The following PSMD3 variants were observed in gnomAD, a reference collection of about 807,000 sequenced individuals.
The protein encoded by PSMD3 is proteasome 26S subunit, non-ATPase 3, also known as 26S proteasome non-ATPase regulatory subunit 3.
A neutral mutation model predicts 62.8 loss-of-function variants in PSMD3; 5 were observed. The observed-to-expected ratio is 0.08, with a 90% CI of 0.04 to 0.17. PSMD3 has a LOEUF of 0.17. Ranked by LOEUF, PSMD3 falls within the 10% of genes least tolerant of loss-of-function variation. The pLI is 1.00. For synonymous variants in PSMD3, 265 were observed against 283.9 expected (o/e 0.93, Z 0.67); for missense variants, 524 against 713.6 (o/e 0.73, Z 3.03).
At chr17:39,983,157 C>T (rs145785000) in intron 1 of PSMD3, among the ~76,000 whole-genome samples, 1 of 152,120 alleles carries the variant, frequency 6.6e-6, no homozygotes, top group African/African-American at 2.4e-5. Context: ...CTCAGCTTCC[C>T]GAGTAGCTGG....
Position 39,995,419 on chromosome 17 carries a change from C to A in PSMD3, c.1217-5C>A, listed in dbSNP as rs774275737. ...TGCCCACCCCATCGCTCCTTCCTCT[C>A]CCAGGTGTACGCATGATCAGCCTCT... On this transcript the variant is annotated splice_region_variant and splice_polypyrimidine_tract_variant and intron_variant, in intron 8 of 11. Coordinates refer to ENST00000264639, the MANE Select transcript of PSMD3 (RefSeq NM_002809.4). This position sits in a 1 kb window ranked among gnomAD's most constrained non-coding sequence, Gnocchi z 4.1. 3.7e-6 allele frequency: 6 copies of A among 1,613,530 alleles called. No individual in the cohort carries two copies. Among genetic ancestry groups the A allele is most frequent in the Non-Finnish European group, 5.1e-6 (6 of 1,179,546 alleles).
chr17:39,996,120 CAAAAA>C lies in PSMD3; in HGVS notation c.1321-52_1321-48del. ...TGGGTGACAGAGCGAGACTCCATCT[CAAAAA>C]AAAAAAAAAAGAAGAAGCTGGGTGT... On this transcript the variant is annotated intron_variant, in intron 9 of 11. Transcript: ENST00000264639. This position sits in a 1 kb window ranked among gnomAD's most constrained non-coding sequence, Gnocchi z 5.1. The C allele has an allele frequency of 2.7e-6, 4 of 1,456,952 alleles. No individual in the cohort carries two copies. The highest frequency in any genetic ancestry group is 1.2e-5 in the South Asian group (1 of 85,400). The allele number at this position is 1,456,952 out of a possible 1,614,324, so 90.3% of individuals were successfully genotyped here. A position where few individuals can be genotyped will look rare whatever the true frequency, so the allele number is the denominator to read the frequency against.
chr17:39,989,648 T>G, intron 4 of PSMD3, 91 bp from the exon 5 acceptor site: 1 of 1,283,538 alleles, frequency 7.8e-7, no homozygotes, highest in Non-Finnish European at 1.1e-6. Context: ...TTTGTATAAC[T>G]TTTTTAAGGA....
chr17:39,984,379 T>C lies in PSMD3; in HGVS notation c.306T>C (p.Pro102=). The change falls in exon 2 of 12, where the codon CCT becomes CCC. Residue 102 remains proline, a synonymous_variant. Transcript: ENST00000264639. ...RFVLRALRML[P]STSRRLNHYV... ...TGCTGCGGGCCCTGCGGATGCTGCC[T>C]TCCACATCACGCCGCCTCAACCACT... 6.2e-7 allele frequency: 1 copy of C among 1,613,812 alleles called. No individual in the cohort carries two copies.
rs1980370550 is a variant in PSMD3 at position 39,981,097 on chromosome 17, A to T, written c.127A>T (p.Thr43Ser). 1 of 1,550,630 alleles carries T rather than the reference A, an allele frequency of 6.4e-7. No homozygotes were observed. ...TGTGGAGATGAAAGAGGAGGCAGCG[A>T]CGGGTGGCGGGTCGACGGGGGAGGC... ...QDVEMKEEAA[T>S]GGGSTGEADG... The change falls in exon 1 of 12, where the codon ACG (threonine) becomes TCG (serine). Residue 43 changes from threonine (T) to serine (S), a missense_variant. Around this residue, in one of 4 missense-constraint regions of PSMD3, gnomAD observed 396 missense variants for 475.8 expected, o/e 0.83. Coordinates refer to ENST00000264639, the MANE Select transcript of PSMD3 (RefSeq NM_002809.4).
intron 2 of PSMD3, among the ~76,000 whole-genome samples, chr17:39,985,801 C>T (rs1045728747): frequency 6.6e-6 from 1 of 152,220 alleles, no homozygotes; most frequent in Non-Finnish European, 1.5e-5. Flanking sequence ...TCAGTGACAA[C>T]ATAGGAAAAT....
chr17:39,989,767 A>G lies in PSMD3; in HGVS notation c.715A>G (p.Thr239Ala), dbSNP rs1409626717. The change falls in exon 5 of 12, where the codon ACG (threonine) becomes GCG (alanine). Residue 239 changes from threonine (T) to alanine (A), a missense_variant. Around this residue, in one of 4 missense-constraint regions of PSMD3, gnomAD observed 396 missense variants for 475.8 expected, o/e 0.83. Coordinates refer to ENST00000264639, the MANE Select transcript of PSMD3 (RefSeq NM_002809.4). The stretch of plus-strand genomic sequence containing the variant: ...CTTGCATGCTCGGCTCCGGACAGCT[A>G]CGCTTCGGCATGACGCAGACGGGCA... ...SFLHARLRTA[T>A]LRHDADGQAT... is the part of the protein sequence containing the mutation. The G allele has an allele frequency of 6.2e-7, 1 of 1,613,934 alleles. No homozygotes were observed. Among genetic ancestry groups the G allele is most frequent in the African/African-American group, 1.3e-5 (1 of 74,938 alleles).
chr17:39,996,985 G>GCCC lies in PSMD3; in HGVS notation c.1477-343_1477-341dup, dbSNP rs1418036949. Among the ~76,000 whole-genome samples, 2 of 151,810 alleles carry GCCC rather than the reference G, an allele frequency of 1.3e-5. No individual in the cohort carries two copies. On this transcript the variant is annotated intron_variant, in intron 10 of 11. Coordinates refer to ENST00000264639, the MANE Select transcript of PSMD3 (RefSeq NM_002809.4). This position sits in a 1 kb window ranked among gnomAD's most constrained non-coding sequence, Gnocchi z 5.1. ...AGGTCAAGCCTCCCCTCCCACTCCT[G>GCCC]CCCCACCACCCAGCAGCCAGCCCAC...
At chr17:39,990,730 C>A (rs1006582051) in intron 6 of PSMD3, among the ~76,000 whole-genome samples, 1 of 152,158 alleles carries the variant, frequency 6.6e-6, no homozygotes, top group Non-Finnish European at 1.5e-5. Flanking sequence ...GACAGTCATT[C>A]CAGGCTTGGA....
chr17:39,990,283 G>A (rs1375600415), intron 6 of PSMD3, 86 bp downstream of exon 6: 32 of 1,201,214 alleles, frequency 2.7e-5, no homozygotes, highest in Admixed American at 5.0e-5. Flanking sequence ...GGCTGGTCTT[G>A]AACTCCTGGG....
rs1206221814 is a variant in PSMD3, at chr17:39,981,048, C to G, written c.78C>G (p.Pro26=). 1 of 1,549,674 alleles carries G rather than the reference C, an allele frequency of 6.5e-7. No individual in the cohort carries two copies. Among genetic ancestry groups the G allele is most frequent in the South Asian group, 1.2e-5 (1 of 83,998 alleles). The change falls in exon 1 of 12, where the codon CCC becomes CCG. Residue 26 remains proline (P), a synonymous_variant. Coordinates refer to ENST00000264639, the MANE Select transcript of PSMD3 (RefSeq NM_002809.4). ...CGCCCGGCGGAGGAGAACAAGAACC[C>G]CCACCGCCGCCGGCCCCCCAGGATG... ...KPPPGGGEQE[P]PPPPAPQDVE...
intron 6 of PSMD3, chr17:39,993,919 T>C (rs938081748): frequency 2.0e-5 from 3 of 152,212 alleles, no homozygotes; most frequent in South Asian, 2.1e-4. Context: ...CCAAGTGTTC[T>C]ACGTGCAGAC....
At position 39,980,847 on chromosome 17, in the gene PSMD3, C is replaced by T. The variant is rs1009246907; in HGVS notation, c.-124C>T. Reference sequence around the variant, plus strand: ...GGGAAGGGGTTTGCAGCTGCTCCGTCATCGTGCGGCCCGACGCTATCTCGC... The same window carrying T: ...GGGAAGGGGTTTGCAGCTGCTCCGTTATCGTGCGGCCCGACGCTATCTCGC... On this transcript the variant is annotated 5_prime_UTR_variant, in exon 1 of 12. Coordinates refer to ENST00000264639, the MANE Select transcript of PSMD3 (RefSeq NM_002809.4). The T allele has an allele frequency of 2.6e-5, 23 of 891,990 alleles. No homozygotes were observed. The highest frequency in any genetic ancestry group is 3.4e-5 in the Non-Finnish European group (21 of 618,780). The allele number at this position is 891,990 out of a possible 1,614,324, so 55.3% of individuals were successfully genotyped here.
intron 3 of PSMD3, among the ~76,000 whole-genome samples, chr17:39,987,035 A>G (rs144441751): frequency 1.5e-4 from 23 of 152,322 alleles, no homozygotes; most frequent in Non-Finnish European, 2.8e-4. Context: ...TAGGCAAATT[A>G]ATTTCTCCCA....
rs554220327 is a variant in PSMD3 at position 39,980,966 on chromosome 17, G to A, written c.-5G>A. 7 of 1,529,970 alleles carry A rather than the reference G, an allele frequency of 4.6e-6. No individual in the cohort carries two copies. The highest frequency in any genetic ancestry group is 6.1e-6 in the Non-Finnish European group (7 of 1,141,606). The allele number at this position is 1,529,970 out of a possible 1,614,324, so 94.8% of individuals were successfully genotyped here. A position where few individuals can be genotyped will look rare whatever the true frequency, so the allele number is the denominator to read the frequency against. On this transcript the variant is annotated 5_prime_UTR_variant, in exon 1 of 12. The change creates a new upstream start codon in the 5' untranslated region. Coordinates refer to ENST00000264639, the MANE Select transcript of PSMD3 (RefSeq NM_002809.4). ...TCCCCGGACTAGGCCGTGACCCCGG[G>A]TGCCATGAAGCAGGAGGGCTCGGCG... is the stretch of plus-strand genomic sequence containing the variant.
Position 39,996,411 on chromosome 17 carries a change from G to A in PSMD3, c.1476+73G>A, listed in dbSNP as rs1980786809. The A allele has an allele frequency of 3.9e-6, 6 of 1,542,620 alleles. No homozygotes were observed. Among genetic ancestry groups the A allele is most frequent in the Non-Finnish European group, 5.3e-6 (6 of 1,134,394 alleles). The stretch of plus-strand genomic sequence containing the variant: ...TCCCTCCACACTCATGGATTCCTCA[G>A]AGAAGACTGGCTTAATTTGTGGCCC... On this transcript the variant is annotated intron_variant, in intron 10 of 11. Transcript: ENST00000264639. This position sits in a 1 kb window ranked among gnomAD's most constrained non-coding sequence, Gnocchi z 5.1.
Position 39,997,851 on chromosome 17 carries a change from T to C in PSMD3, c.*270T>C, listed in dbSNP as rs1598316174. ...TGTGGGAGCAGGAGGGGAAGGATAG[T>C]TCTGTGTACTCCTTTAGGGAGTGGG... On this transcript the variant is annotated 3_prime_UTR_variant, in exon 12 of 12. Transcript: ENST00000264639. 1 of 542,906 alleles carries C rather than the reference T, an allele frequency of 1.8e-6. No individual in the cohort carries two copies. Among genetic ancestry groups the C allele is most frequent in the Non-Finnish European group, 3.3e-6 (1 of 299,776 alleles). 33.6% of individuals were successfully genotyped at this position (542,906 alleles called of 1,614,324 possible). A position where few individuals can be genotyped will look rare whatever the true frequency, so the allele number is the denominator to read the frequency against.
chr17:39,989,858 A>C lies in PSMD3; in HGVS notation c.806A>C (p.Lys269Thr). 6.2e-7 allele frequency: 1 copy of C among 1,614,178 alleles called. No homozygotes were observed. The highest frequency in any genetic ancestry group is 8.5e-7 in the Non-Finnish European group (1 of 1,180,026). The change falls in exon 5 of 12, where the codon AAG (lysine) becomes ACG (threonine). Residue 269 changes from lysine (K) to threonine (T), a missense_variant. Lys to Thr is a moderately conservative substitution (Grantham distance 78, BLOSUM62 -1). Transcript: ENST00000264639. ...LHYSLYDQAE[K>T]LVSKSVFPEQ... ...TACAGCTTGTACGACCAGGCTGAGA[A>C]GCTGGTGTCCAAGTCTGTGTTCCCA...
Position 39,995,075 on chromosome 17 carries a change from C to T in PSMD3, c.1096+7C>T. 1 of 1,614,104 alleles carries T rather than the reference C, an allele frequency of 6.2e-7. No homozygotes were observed. The highest frequency in any genetic ancestry group is 8.5e-7 in the Non-Finnish European group (1 of 1,179,990). ...TATTTCCTTCTGACTCAAGGTAAGGCTGGCTTCCCCACCCCAGAGCCCACT... is the reference window on the plus strand; with the variant it reads ...TATTTCCTTCTGACTCAAGGTAAGGTTGGCTTCCCCACCCCAGAGCCCACT... On this transcript the variant is annotated splice_region_variant and intron_variant, in intron 7 of 11. Transcript: ENST00000264639. The surrounding 1 kb of genome is among the most constrained non-coding windows in gnomAD (Gnocchi z 4.1).
Sources: allele counts gnomAD v4.1 joint callset (sites outside exome capture counted in the v4.1 genomes callset), GRCh38; gene constraint gnomAD v4.1.1; regional missense constraint gnomAD v4.1.1; non-coding constraint Gnocchi (gnomAD v3.1); transcripts MANE v1.5; gene names NCBI Gene and HGNC (gene_info 2026-07-23, HGNC 2026-07-21).